The following ANGPT2 variants were observed in gnomAD, a reference collection of about 807,000 sequenced individuals.
ANGPT2 encodes the protein angiopoietin-2.
ANGPT2 carries 28 observed loss-of-function variants against 62.9 expected under a neutral mutation model. That is an observed-to-expected ratio of 0.44 (90% CI 0.33 to 0.61). The LOEUF is 0.61. Ranked by LOEUF, ANGPT2 falls within the 20% of genes least tolerant of loss-of-function variation. The probability of loss-of-function intolerance (pLI) is 0.03; values close to 1 mark genes in which losing one functional copy is unlikely to be tolerated. For missense variants in ANGPT2, 727 were observed against 594.9 expected, an observed-to-expected ratio of 1.22 and a Z score of -2.31; for synonymous variants, 284 against 207.8, an observed-to-expected ratio of 1.37 and a Z score of -3.15.
intron 2 of ANGPT2, among the ~76,000 whole-genome samples, chr8:6,531,106 T>C (rs548608953): frequency 5.3e-5 from 8 of 151,734 alleles, no homozygotes; most frequent in African/African-American, 1.9e-4. Context: ...CCGCCGAGAG[T>C]CACGACCACG....
intron 5 of ANGPT2, among the ~76,000 whole-genome samples, chr8:6,519,532 T>TA: frequency 6.6e-6 from 1 of 152,334 alleles, no homozygotes; most frequent in Admixed American, 6.5e-5. Context: ...TTTTGGAAGA[T>TA]ACTTTCTTTA....
In ANGPT2 at chr8:6,503,361, G is replaced by A. The variant is rs6987045; in HGVS notation, c.1328-100C>T. 3.5e-3 allele frequency: 4,333 copies of A among 1,239,404 alleles called. 114 individuals are homozygous for A. The African/African-American group carries it at 0.057, about 16-fold the overall frequency. 76.8% of individuals were successfully genotyped at this position (1,239,404 alleles called of 1,614,324 possible). A position where few individuals can be genotyped will look rare whatever the true frequency, so the allele number is the denominator to read the frequency against. On this transcript the variant is annotated intron_variant, in intron 8 of 8. Transcript: ENST00000629816. The stretch of plus-strand genomic sequence containing the variant: ...CTAAGGCAGGAGGCACACTGCAGGC[G>A]TGTGGAGTAGGCACATGCAGATGAT...
At chr8:6,551,983 A>G (rs1029035642) in intron 1 of ANGPT2, among the ~76,000 whole-genome samples, 1 of 152,204 alleles carries the variant, frequency 6.6e-6, no homozygotes, top group Non-Finnish European at 1.5e-5. Flanking sequence ...TCTTCAGACT[A>G]ATGTTTATAA....
chr8:6,562,748 T>G lies in ANGPT2; in HGVS notation c.187A>C (p.Asn63His). The G allele has an allele frequency of 6.2e-7, 1 of 1,613,872 alleles. No individual in the cohort carries two copies. The highest frequency in any genetic ancestry group is 8.5e-7 in the Non-Finnish European group (1 of 1,179,978). ...CRSSSSPYVS[N>H]AVQRDAPLEY... Reference sequence around the variant, plus strand: ...AGCGGCGCGTCCCTCTGCACAGCATTGGACACGTAGGGGCTGGAGGAAGAG... The same window carrying G: ...AGCGGCGCGTCCCTCTGCACAGCATGGGACACGTAGGGGCTGGAGGAAGAG... Residue 63 changes from asparagine (N) to histidine (H), a missense_variant, in exon 1 of 9, where the codon AAT (asparagine) becomes CAT (histidine). Asn to His is a moderately conservative substitution (Grantham distance 68, BLOSUM62 1). Coordinates refer to ENST00000629816, the MANE Select transcript of ANGPT2 (RefSeq NM_001118887.2).
chr8:6,518,152 G>C (rs1264549998), intron 5 of ANGPT2, among the ~76,000 whole-genome samples: 1 of 152,156 alleles, frequency 6.6e-6, no homozygotes, highest in Non-Finnish European at 1.5e-5. Flanking sequence ...ATGAAACAAT[G>C]TGATGGGGCT....
chr8:6,519,796 T>C (rs1485788485), intron 5 of ANGPT2, 68 bp downstream of exon 5: 2 of 1,564,400 alleles, frequency 1.3e-6, no homozygotes, highest in African/African-American at 1.4e-5. Context: ...TTCTGCTCTC[T>C]GGTTCCTCAC....
At chr8:6,549,007 G>T (rs1339884318) in intron 1 of ANGPT2, among the ~76,000 whole-genome samples, 1 of 152,184 alleles carries the variant, frequency 6.6e-6, no homozygotes, top group East Asian at 1.9e-4. Context: ...AGTTGGTTCT[G>T]GGCATCACGG....
At chr8:6,542,947 G>C (rs1224885780) in intron 1 of ANGPT2, among the ~76,000 whole-genome samples, 9 of 152,102 alleles carry the variant, frequency 5.9e-5, no homozygotes, top group Admixed American at 5.2e-4. Context: ...AGTTTTTGCT[G>C]TCCTTTATAA....
intron 5 of ANGPT2, among the ~76,000 whole-genome samples, chr8:6,516,058 G>A (rs915162578): frequency 6.6e-6 from 1 of 152,134 alleles, no homozygotes; most frequent in Non-Finnish European, 1.5e-5. Context: ...TCTCCAGGAA[G>A]GTCACCCAGC....
At chr8:6,538,149 C>T (rs549156214) in intron 1 of ANGPT2, among the ~76,000 whole-genome samples, 4 of 151,856 alleles carry the variant, frequency 2.6e-5, no homozygotes, top group African/African-American at 9.7e-5. Context: ...CCACCCAGCC[C>T]TTCCATTTTT....
At chr8:6,506,092 T>A (rs13249897) in intron 8 of ANGPT2, among the ~76,000 whole-genome samples, 12,948 of 150,418 alleles carry the variant, frequency 0.086, 922 homozygotes, top group Admixed American at 0.15. Context: ...TTCATCCAGG[T>A]TCCTACATTG....
intron 1 of ANGPT2, among the ~76,000 whole-genome samples, chr8:6,561,365 AACATTCATTC>A (rs1244045040): frequency 6.6e-6 from 1 of 152,226 alleles, no homozygotes; most frequent in Non-Finnish European, 1.5e-5. Context: ...TGGTGCTGGG[AACATTCATTC>A]ACATTCATTC....
At chr8:6,536,750 C>G (rs1284973366) in intron 1 of ANGPT2, among the ~76,000 whole-genome samples, 1 of 152,046 alleles carries the variant, frequency 6.6e-6, no homozygotes, top group African/African-American at 2.4e-5. Flanking sequence ...GAGAACAAAC[C>G]TAGAAACAAA....
At chr8:6,522,534 A>G (rs1019810475) in intron 3 of ANGPT2, among the ~76,000 whole-genome samples, 1 of 151,830 alleles carries the variant, frequency 6.6e-6, no homozygotes, top group Non-Finnish European at 1.5e-5. Context: ...AGCACTTTGG[A>G]AGGCTGAGGC....
chr8:6,544,032 T>C (rs75915835), intron 1 of ANGPT2, among the ~76,000 whole-genome samples: 26,530 of 152,186 alleles, frequency 0.17, 2,426 homozygotes, highest in African/African-American at 0.21. Flanking sequence ...TGTTTTCAGA[T>C]AAGAAACAAT....
intron 1 of ANGPT2, among the ~76,000 whole-genome samples, chr8:6,551,955 ACT>A (rs1269858406): frequency 1.3e-5 from 2 of 152,190 alleles, no homozygotes; most frequent in African/African-American, 4.8e-5. Context: ...GTCTAATAAA[ACT>A]CTAATACTTC....
chr8:6,506,850 C>T (rs980248659), intron 8 of ANGPT2, among the ~76,000 whole-genome samples: 1 of 150,192 alleles, frequency 6.7e-6, no homozygotes, highest in East Asian at 2.0e-4. Flanking sequence ...ATGAAAATTA[C>T]TGAATTTCAT....
chr8:6,509,478 G>A (rs144714564), intron 7 of ANGPT2, among the ~76,000 whole-genome samples: 2 of 152,312 alleles, frequency 1.3e-5, no homozygotes, highest in African/African-American at 4.8e-5. Flanking sequence ...GGCCCCGGGG[G>A]GGATGGAGAA....
chr8:6,538,666 A>G (rs1053235402), intron 1 of ANGPT2, among the ~76,000 whole-genome samples: 15 of 152,198 alleles, frequency 9.9e-5, no homozygotes, highest in Non-Finnish European at 1.9e-4. Context: ...GCCCTAAGCA[A>G]AGATACTCGT....
Sources: gnomAD v4.1 joint callset for allele counts (sites outside exome capture counted in the v4.1 genomes callset) on GRCh38, gnomAD v4.1.1 for gene constraint, MANE v1.5 for transcripts, NCBI Gene and HGNC (gene_info 2026-07-23, HGNC 2026-07-21) for gene names.